Variants in PDXDC1 observed in about 807,000 individuals in gnomAD.
PDXDC1 encodes pyridoxal dependent decarboxylase domain containing 1, also known as pyridoxal-dependent decarboxylase domain-containing protein 1.
PDXDC1 carries 42 observed loss-of-function variants against 100.1 expected under a neutral mutation model. That is an observed-to-expected ratio of 0.42 (90% CI 0.33 to 0.54). PDXDC1 has a LOEUF of 0.54. PDXDC1 is among the 20% of genes least tolerant of loss of function. The pLI is 0.10. For missense variants in PDXDC1, 636 were observed against 979.2 expected (o/e 0.65, Z 4.68); for synonymous variants, 260 against 371.7 (o/e 0.70, Z 3.46).
intron 16 of PDXDC1, among the ~76,000 whole-genome samples, chr16:15,062,076 G>A (rs771383415): frequency 2.6e-5 from 4 of 152,220 alleles, no homozygotes; most frequent in Non-Finnish European, 5.9e-5. Flanking sequence ...CTACTCAGGA[G>A]GTGGAGGTGG....
intron 16 of PDXDC1, among the ~76,000 whole-genome samples, chr16:15,101,490 T>TAG (rs2046548124): frequency 6.6e-6 from 1 of 151,792 alleles, no homozygotes; most frequent in African/African-American, 2.4e-5. Flanking sequence ...CTGTTTTTTG[T>TAG]AGAGATGGGG....
At chr16:15,084,761 G>C in intron 16 of PDXDC1, 1 of 1,214,992 alleles carries the variant, frequency 8.2e-7, no homozygotes. Context: ...AGGGCGACAC[G>C]CTTGAAGCTA....
chr16:15,127,498 A>G lies in PDXDC1; in HGVS notation c.1400-11381A>G, dbSNP rs547789127. ...GCTCCGGGACATCCAGAAGAGAAAG[A>G]GGATGGCCAGGTAGACGGGATAGAC... On this transcript the variant is annotated intron_variant, in intron 16 of 16. Coordinates refer to the PDXDC1 transcript ENST00000535621. 151 of 1,559,726 alleles carry G rather than the reference A, an allele frequency of 9.7e-5. 1 individual carries two copies. The East Asian group carries it at 2.7e-3, about 28-fold the overall frequency.
Position 15,037,808 on chromosome 16 carries a change from C to A in PDXDC1, c.*1533C>A. The A allele has an allele frequency of 1.2e-5, 5 of 421,638 alleles. No homozygotes were observed. Among genetic ancestry groups the A allele is most frequent in the East Asian group, 3.9e-5 (1 of 25,384 alleles). 26.1% of individuals were successfully genotyped at this position (421,638 alleles called of 1,614,324 possible). On this transcript the variant is annotated 3_prime_UTR_variant, in exon 23 of 23. Transcript: ENST00000396410. Reference sequence around the variant, plus strand: ...CCGTTATTACCGACCAAAAAAAAAACTGGACATCAATTTTTTAGTAAACCA... The same window carrying A: ...CCGTTATTACCGACCAAAAAAAAAAATGGACATCAATTTTTTAGTAAACCA...
intron 17 of PDXDC1, chr16:15,032,109 T>C (rs2043102992): frequency 3.4e-6 from 2 of 580,502 alleles, no homozygotes; most frequent in Non-Finnish European, 6.2e-6. Flanking sequence ...GGGAGGGGAG[T>C]TGCTGAATGT....
At chr16:15,047,275 A>G (rs2044111869) in intron 16 of PDXDC1, 3 of 610,904 alleles carry the variant, frequency 4.9e-6, no homozygotes, top group Non-Finnish European at 8.8e-6. Flanking sequence ...TCATTCACTC[A>G]ACCACTGCTG....
chr16:15,147,890 T>C, the PDXDC1 span, among the ~76,000 whole-genome samples: 1 of 152,062 alleles, frequency 6.6e-6, no homozygotes, highest in Non-Finnish European at 1.5e-5. Flanking sequence ...TTTCACCATG[T>C]TGGTCAGGCT....
At chr16:15,083,040 T>A (rs1189075108) in intron 16 of PDXDC1, among the ~76,000 whole-genome samples, 1 of 152,176 alleles carries the variant, frequency 6.6e-6, no homozygotes, top group African/African-American at 2.4e-5. Context: ...AGCCGCTTTA[T>A]AAGAAAGGAA....
intron 16 of PDXDC1, among the ~76,000 whole-genome samples, chr16:15,096,881 C>T (rs556264681): frequency 8.8e-4 from 134 of 152,266 alleles, no homozygotes; most frequent in African/African-American, 2.9e-3. Context: ...GTTGCCCAGG[C>T]TGGTCTTGAA....
intron 1 of PDXDC1, among the ~76,000 whole-genome samples, chr16:14,995,811 A>T (rs1307325731): frequency 4.6e-5 from 7 of 152,288 alleles, no homozygotes; most frequent in African/African-American, 1.4e-4. Context: ...TATTGCCACA[A>T]TTTCAGAGCC....
intron 16 of PDXDC1, chr16:15,132,910 G>A: frequency 1.9e-6 from 3 of 1,588,028 alleles, no homozygotes; most frequent in Admixed American, 3.3e-5. Flanking sequence ...CTGTCAGCAG[G>A]GCAGGAGACC....
rs1049730638 is a variant in PDXDC1, at chr16:15,135,076, T to C, written c.1400-3803T>C. On this transcript the variant is annotated intron_variant, in intron 16 of 16. Transcript: ENST00000535621. ...GTGTAGCTTTTGTCACTAGAGCATATGTGGCTTGAAGACTGTATGTGGAAC... is the reference window on the plus strand; with the variant it reads ...GTGTAGCTTTTGTCACTAGAGCATACGTGGCTTGAAGACTGTATGTGGAAC... The C allele has an allele frequency of 5.1e-6, 3 of 586,146 alleles. No individual in the cohort carries two copies. In the African/African-American group the frequency reaches 5.6e-5, roughly 11 times the overall value. The allele number at this position is 586,146 out of a possible 1,614,324, so 36.3% of individuals were successfully genotyped here.
intron 5 of PDXDC1, among the ~76,000 whole-genome samples, chr16:15,004,865 G>C (rs1416887786): frequency 1.3e-5 from 2 of 152,278 alleles, no homozygotes; most frequent in Non-Finnish European, 2.9e-5. Context: ...TGTAAATGCT[G>C]TGTAAATAGT....
At chr16:15,020,599 G>A (rs1419132344) in intron 12 of PDXDC1, among the ~76,000 whole-genome samples, 1 of 152,032 alleles carries the variant, frequency 6.6e-6, no homozygotes, top group Non-Finnish European at 1.5e-5. Context: ...TGAGGCAGGA[G>A]AATGGCGTGA....
intron 16 of PDXDC1, chr16:15,128,372 C>G: frequency 6.3e-7 from 1 of 1,599,476 alleles, no homozygotes; most frequent in South Asian, 1.1e-5. Flanking sequence ...AGCATGATGC[C>G]CACGTGGGCC....
At chr16:15,064,758 C>A (rs1382514226) in intron 16 of PDXDC1, among the ~76,000 whole-genome samples, 1 of 152,238 alleles carries the variant, frequency 6.6e-6, no homozygotes, top group African/African-American at 2.4e-5. Context: ...TACTTTGCAT[C>A]TGGTGAAATA....
the PDXDC1 span, among the ~76,000 whole-genome samples, chr16:15,147,258 T>A: frequency 6.6e-6 from 1 of 152,224 alleles, no homozygotes; most frequent in East Asian, 1.9e-4. Flanking sequence ...CCAGCCCGAC[T>A]CGGAAGCGCC....
chr16:15,076,113 CT>C (rs1352759622), intron 16 of PDXDC1, among the ~76,000 whole-genome samples: 1 of 152,168 alleles, frequency 6.6e-6, no homozygotes, highest in Non-Finnish European at 1.5e-5. Flanking sequence ...CCCCTGCCCT[CT>C]TCTGCTCCCT....
chr16:15,065,572 G>T (rs1389263724), intron 16 of PDXDC1, among the ~76,000 whole-genome samples: 2 of 152,156 alleles, frequency 1.3e-5, no homozygotes, highest in African/African-American at 4.8e-5. Context: ...AGTTTGCTAA[G>T]GAGAAAGAAA....
Sources: gnomAD v4.1 joint callset for allele counts (sites outside exome capture counted in the v4.1 genomes callset) on GRCh38, gnomAD v4.1.1 for gene constraint, MANE v1.5 for transcripts, NCBI Gene and HGNC (gene_info 2026-07-23, HGNC 2026-07-21) for gene names.